The following SPRY1 variants were observed in gnomAD, a reference collection of about 807,000 sequenced individuals.
The protein encoded by SPRY1 is protein sprouty homolog 1.
A neutral mutation model predicts 22.6 loss-of-function variants in SPRY1; 20 were observed. The ratio of observed to expected loss-of-function variants is 0.89; its 90% CI spans 0.62 to 1.29. The LOEUF (loss-of-function observed/expected upper bound fraction) is 1.29, where lower values mean the gene tolerates loss of function less well. SPRY1 is among the 50% of genes most tolerant of loss of function. The pLI, the probability that SPRY1 is intolerant of heterozygous loss-of-function variation, is 0.00. For synonymous variants in SPRY1, 155 were observed against 144.7 expected, an observed-to-expected ratio of 1.07 and a Z score of -0.51; for missense variants, 446 against 387.7, an observed-to-expected ratio of 1.15 and a Z score of -1.26.
Position 123,401,555 on chromosome 4 carries a change from G to C in SPRY1, c.-37G>C, listed in dbSNP as rs1405024574. 1 of 1,592,544 alleles carries C rather than the reference G, an allele frequency of 6.3e-7. No individual in the cohort carries two copies. The highest frequency in any genetic ancestry group is 1.3e-5 in the African/African-American group (1 of 74,116). On this transcript the variant is annotated 5_prime_UTR_variant, in exon 3 of 3. Transcript: ENST00000651917. ...GTTTTAGGATTTCAGATGCATGCCA[G>C]GTTTCCACTGATTGCCAGAACTCGA...
At position 123,402,362 on chromosome 4, in the gene SPRY1, C is replaced by T; in HGVS notation, c.771C>T (p.Tyr257=). The change falls in exon 3 of 3, where the codon TAC becomes TAT. Residue 257 remains tyrosine, a synonymous_variant. Coordinates refer to ENST00000651917, the MANE Select transcript of SPRY1 (RefSeq NM_001258038.2). ...CACAATCACACTGCTGCTCTAGATA[C>T]CTGTGTATGGGAGCCATGTCTTTAT... The part of the protein sequence containing the change: ...SCSQSHCCSR[Y]LCMGAMSLFL... 2 of 1,614,158 alleles carry T rather than the reference C, an allele frequency of 1.2e-6. No homozygotes were observed. The highest frequency in any genetic ancestry group is 2.2e-5 in the East Asian group (1 of 44,882).
In SPRY1 at chr4:123,402,291, A is replaced by G. The variant is rs746069665; in HGVS notation, c.700A>G (p.Asn234Asp). 6 of 1,614,258 alleles carry G rather than the reference A, an allele frequency of 3.7e-6. No individual in the cohort carries two copies. The highest frequency in any genetic ancestry group is 5.1e-6 in the Non-Finnish European group (6 of 1,180,044). ...CAAGGGCATCTTCTACCACTGCTCCAATGACGACGAAGGGGATTCCTATTC... is the reference window on the plus strand; with the variant it reads ...CAAGGGCATCTTCTACCACTGCTCCGATGACGACGAAGGGGATTCCTATTC... ...LVKGIFYHCS[N>D]DDEGDSYSDN... Residue 234 changes from asparagine (N) to aspartate (D), a missense_variant, in exon 3 of 3, where the codon AAT becomes GAT. By Grantham distance (23) the Asn-to-Asp change is conservative. Transcript: ENST00000651917.
chr4:123,403,131 G>A lies in SPRY1; in HGVS notation c.*580G>A, dbSNP rs138123886. On this transcript the variant is annotated 3_prime_UTR_variant, in exon 3 of 3. Transcript: ENST00000651917. Reference sequence around the variant, plus strand: ...TTCTTTCCCCCTCAGTTTTGTTGTTGTCTTACTCTGGAGATGCCAAGTGTA... The same window carrying A: ...TTCTTTCCCCCTCAGTTTTGTTGTTATCTTACTCTGGAGATGCCAAGTGTA... The A allele has an allele frequency of 3.0e-4, 79 of 262,268 alleles. No individual in the cohort carries two copies. Among genetic ancestry groups the A allele is most frequent in the African/African-American group, 1.3e-3 (58 of 45,074 alleles). 16.2% of individuals were successfully genotyped at this position (262,268 alleles called of 1,614,324 possible).
At chr4:123,399,456 G>A (rs999622599) in intron 2 of SPRY1, 2 of 152,166 alleles carry the variant, frequency 1.3e-5, no homozygotes, top group Non-Finnish European at 2.9e-5. Flanking sequence ...ACAGAGAGAG[G>A]GAGAAAGAAC....
At chr4:123,399,033 T>C (rs1725036782) in intron 2 of SPRY1, among the ~76,000 whole-genome samples, 1 of 152,022 alleles carries the variant, frequency 6.6e-6, no homozygotes, top group African/African-American at 2.4e-5. Context: ...TCTTCTGGTT[T>C]GGAGCACAGT....
chr4:123,402,508 A>G lies in SPRY1; in HGVS notation c.917A>G (p.Lys306Arg). The G allele has an allele frequency of 6.2e-7, 1 of 1,613,966 alleles. No homozygotes were observed. Among genetic ancestry groups the G allele is most frequent in the South Asian group, 1.1e-5 (1 of 91,074 alleles). The change falls in exon 3 of 3, where the codon AAG becomes AGG. Residue 306 changes from lysine (K) to arginine (R), a missense_variant. Coordinates refer to ENST00000651917, the MANE Select transcript of SPRY1 (RefSeq NM_001258038.2). Reference protein sequence around the residue: ...RCKNSNTVYCKLESCPSRGQG... With the variant: ...RCKNSNTVYCRLESCPSRGQG... Reference sequence around the variant, plus strand: ...AAGAACTCCAACACTGTCTATTGTAAGCTGGAGAGCTGCCCCTCCCGGGGT... The same window carrying G: ...AAGAACTCCAACACTGTCTATTGTAGGCTGGAGAGCTGCCCCTCCCGGGGT...
Position 123,398,766 on chromosome 4 carries a change from G to T in SPRY1, c.-56+910G>T, listed in dbSNP as rs529707209. Among the ~76,000 whole-genome samples the T allele has an allele frequency of 2.0e-5, 3 of 152,274 alleles. No individual in the cohort carries two copies. The South Asian group carries it at 6.2e-4, about 32-fold the overall frequency. ...GGTCTGCGGCTGCGGAACGTAACAG[G>T]ACAGGGTCTCCTCCATCCCCGATTA... On this transcript the variant is annotated intron_variant, in intron 2 of 2. Transcript: ENST00000651917.
intron 2 of SPRY1, chr4:123,398,378 G>T (rs1393053303): frequency 3.3e-5 from 5 of 151,092 alleles, no homozygotes; most frequent in South Asian, 2.1e-4. Flanking sequence ...GGGAGGCCGC[G>T]AGCCGAGGCG....
rs1301625850 is a variant in SPRY1, at chr4:123,402,423, G to A, written c.832G>A (p.Gly278Arg). The change falls in exon 3 of 3, where the codon GGA (glycine) becomes AGA (arginine). Residue 278 changes from glycine (G) to arginine (R), a missense_variant. Physicochemically the swap from Gly to Arg is moderately radical, Grantham distance 125. Coordinates refer to ENST00000651917, the MANE Select transcript of SPRY1 (RefSeq NM_001258038.2). The stretch of plus-strand genomic sequence containing the variant: ...CTTACTCTGTTATCCTCCTGCTAAA[G>A]GATGCCTGAAGCTGTGCAGGAGGTG... ...PCLLCYPPAK[G>R]CLKLCRRCYD... is the part of the protein sequence containing the mutation. 6 of 1,614,010 alleles carry A rather than the reference G, an allele frequency of 3.7e-6. No homozygotes were observed. The Admixed American group carries it at 8.3e-5, about 22-fold the overall frequency.
At chr4:123,400,725 CT>C (rs1208796732) in intron 2 of SPRY1, among the ~76,000 whole-genome samples, 1 of 152,154 alleles carries the variant, frequency 6.6e-6, no homozygotes, top group Non-Finnish European at 1.5e-5. Flanking sequence ...TTTCCCTACA[CT>C]GCGTTAAAGG....
intron 2 of SPRY1, among the ~76,000 whole-genome samples, chr4:123,400,702 A>G (rs1725109540): frequency 6.6e-6 from 1 of 152,174 alleles, no homozygotes; most frequent in Non-Finnish European, 1.5e-5. Flanking sequence ...ACAGATAATT[A>G]AAACTGCCAG....
At position 123,397,600 on chromosome 4, in the gene SPRY1, C is replaced by T. The variant is rs1048505730; in HGVS notation, c.-301-11C>T. 6.6e-6 allele frequency: 1 copy of T among 152,164 alleles called. No individual in the cohort carries two copies. Among genetic ancestry groups the T allele is most frequent in the Non-Finnish European group, 1.5e-5 (1 of 68,044 alleles). 9.4% of individuals were successfully genotyped at this position (152,164 alleles called of 1,614,324 possible). ...CATTCACGAGCTTCTATCTCTAATT[C>T]TCTGTCGCAGGCATTTCGGCCGTGG... On this transcript the variant is annotated splice_polypyrimidine_tract_variant and intron_variant, in intron 1 of 2. Transcript: ENST00000651917.
At chr4:123,397,142 C>G (rs925232409) in intron 1 of SPRY1, among the ~76,000 whole-genome samples, 1 of 152,172 alleles carries the variant, frequency 6.6e-6, no homozygotes, top group Non-Finnish European at 1.5e-5. Flanking sequence ...TCCCTTTCAC[C>G]TTTCCTTAAC....
rs1725169205 is a variant in SPRY1 at position 123,401,838 on chromosome 4, AT to A, written c.249del (p.Asn84MetfsTer2). On this transcript the variant is annotated frameshift_variant, in exon 3 of 3. Coordinates refer to ENST00000651917, the MANE Select transcript of SPRY1 (RefSeq NM_001258038.2). LOFTEE classifies it high-confidence loss of function. ...TGAAAGGACTCATGAAATCATACCA[AT>A]TAATGTGAATAATAACTACGAGCAC... ...KHERTHEIIPINVNNNYEHRH... is the reference protein window; with the variant it reads ...KHERTHEIIPXNVNNNYEHRH... 6.2e-7 allele frequency: 1 copy of A among 1,614,114 alleles called. No homozygotes were observed. Among genetic ancestry groups the A allele is most frequent in the Admixed American group, 1.7e-5 (1 of 60,008 alleles).
chr4:123,402,309 T>G lies in SPRY1; in HGVS notation c.718T>G (p.Ser240Ala). 3.7e-6 allele frequency: 6 copies of G among 1,614,200 alleles called. No homozygotes were observed. Among genetic ancestry groups the G allele is most frequent in the Admixed American group, 1.7e-5 (1 of 60,016 alleles). The change falls in exon 3 of 3, where the codon TCC becomes GCC. Residue 240 changes from serine (S) to alanine (A), a missense_variant. Coordinates refer to ENST00000651917, the MANE Select transcript of SPRY1 (RefSeq NM_001258038.2). ...CTGCTCCAATGACGACGAAGGGGATTCCTATTCAGATAATCCTTGCTCCTG... is the reference window on the plus strand; with the variant it reads ...CTGCTCCAATGACGACGAAGGGGATGCCTATTCAGATAATCCTTGCTCCTG... ...YHCSNDDEGD[S>A]YSDNPCSCSQ...
At position 123,402,720 on chromosome 4, in the gene SPRY1, T is replaced by G; in HGVS notation, c.*169T>G. ...TTTTTCTCTTTCCTCATGGATGATC[T>G]TCAGCAAGAGTGGACTGGGAAGCTG... On this transcript the variant is annotated 3_prime_UTR_variant, in exon 3 of 3. Coordinates refer to ENST00000651917, the MANE Select transcript of SPRY1 (RefSeq NM_001258038.2). The G allele has an allele frequency of 1.1e-6, 1 of 883,744 alleles. No homozygotes were observed. Among genetic ancestry groups the G allele is most frequent in the Non-Finnish European group, 1.7e-6 (1 of 588,442 alleles). 54.7% of individuals were successfully genotyped at this position (883,744 alleles called of 1,614,324 possible).
At position 123,402,122 on chromosome 4, in the gene SPRY1, C is replaced by G. The variant is rs1271914621; in HGVS notation, c.531C>G (p.His177Gln). Residue 177 changes from histidine (H) to glutamine (Q), a missense_variant, in exon 3 of 3, where the codon CAC becomes CAG. His to Gln is a conservative substitution (Grantham distance 24). Coordinates refer to ENST00000651917, the MANE Select transcript of SPRY1 (RefSeq NM_001258038.2). ...CCTTGAAAGAGGACCTGACACAGCA[C>G]AAGTTCATTTGTGAACAGTGTGGGA... ...KGSLKEDLTQHKFICEQCGKC... is the reference protein window; with the variant it reads ...KGSLKEDLTQQKFICEQCGKC... 6.2e-7 allele frequency: 1 copy of G among 1,614,240 alleles called. No homozygotes were observed. The highest frequency in any genetic ancestry group is 8.5e-7 in the Non-Finnish European group (1 of 1,180,040).
Position 123,401,544 on chromosome 4 carries a change from G to C in SPRY1, c.-48G>C. The C allele has an allele frequency of 6.4e-7, 1 of 1,556,184 alleles. No homozygotes were observed. The highest frequency in any genetic ancestry group is 8.7e-7 in the Non-Finnish European group (1 of 1,150,532). On this transcript the variant is annotated 5_prime_UTR_variant, in exon 3 of 3. Coordinates refer to ENST00000651917, the MANE Select transcript of SPRY1 (RefSeq NM_001258038.2). ...TCTTTGATTTCGTTTTAGGATTTCA[G>C]ATGCATGCCAGGTTTCCACTGATTG...
Position 123,402,428 on chromosome 4 carries a change from C to T in SPRY1, c.837C>T (p.Cys279=). 6.2e-7 allele frequency: 1 copy of T among 1,614,116 alleles called. No individual in the cohort carries two copies. The highest frequency in any genetic ancestry group is 8.5e-7 in the Non-Finnish European group (1 of 1,180,024). The change falls in exon 3 of 3, where the codon TGC becomes TGT. Residue 279 remains cysteine, a synonymous_variant. Transcript: ENST00000651917. ...CLLCYPPAKG[C]LKLCRRCYDW... is the part of the protein sequence containing the mutation. ...TCTGTTATCCTCCTGCTAAAGGATG[C>T]CTGAAGCTGTGCAGGAGGTGTTATG...
Sources: gnomAD v4.1 joint callset for allele counts (sites outside exome capture counted in the v4.1 genomes callset) on GRCh38, gnomAD v4.1.1 for gene constraint, MANE v1.5 for transcripts, NCBI Gene and HGNC (gene_info 2026-07-23, HGNC 2026-07-21) for gene names.